PLA2R1: variants seen among roughly 807,000 people sequenced by gnomAD.
The protein encoded by PLA2R1 is phospholipase A2 receptor 1.
In PLA2R1, 158 loss-of-function variants were observed where a neutral mutation model predicts 195.9. That is an observed-to-expected ratio of 0.81 (90% CI 0.71 to 0.92). The LOEUF (loss-of-function observed/expected upper bound fraction) is 0.92, where lower values mean the gene tolerates loss of function less well. Among genes scored for constraint, PLA2R1 ranks in the 40% least tolerant of loss-of-function variants. The pLI is 0.00. For synonymous variants in PLA2R1, 586 were observed against 598.2 expected (o/e 0.98, Z 0.30); for missense variants, 1,626 against 1,764.6 (o/e 0.92, Z 1.41).
chr2:160,059,913 C>G (rs922619104), intron 1 of PLA2R1, among the ~76,000 whole-genome samples: 2 of 152,196 alleles, frequency 1.3e-5, no homozygotes, highest in African/African-American at 4.8e-5. Flanking sequence ...TTACCTCCCC[C>G]TGGGTCCCTC....
At chr2:159,930,416 A>G (rs1686562490), downstream of PLA2R1, among the ~76,000 whole-genome samples, 1 of 151,962 alleles carries the variant, frequency 6.6e-6, no homozygotes, top group Non-Finnish European at 1.5e-5. Context: ...TCAAAAAAAA[A>G]AAAAAAGACT....
intron 6 of PLA2R1, among the ~76,000 whole-genome samples, chr2:160,026,224 T>C (rs1693516423): frequency 6.6e-6 from 1 of 152,128 alleles, no homozygotes. Flanking sequence ...ACAGAGGACA[T>C]ACAATGAAAG....
intron 10 of PLA2R1, among the ~76,000 whole-genome samples, chr2:160,009,132 T>C (rs1411405579): frequency 5.9e-5 from 9 of 152,250 alleles, no homozygotes; most frequent in Admixed American, 4.6e-4. Flanking sequence ...GTAGCCATTA[T>C]GGAAAAGAGT....
At chr2:160,032,356 CACAT>C (rs1269050227) in intron 4 of PLA2R1, among the ~76,000 whole-genome samples, 6 of 152,146 alleles carry the variant, frequency 3.9e-5, no homozygotes, top group Non-Finnish European at 7.3e-5. Context: ...TGAATGTACA[CACAT>C]ACAAATACAT....
chr2:159,929,291 C>G (rs1168519418), downstream of PLA2R1, among the ~76,000 whole-genome samples: 1 of 152,036 alleles, frequency 6.6e-6, no homozygotes, highest in East Asian at 1.9e-4. Flanking sequence ...ACATGGAACT[C>G]AAACAAATTA....
At chr2:159,952,719 T>C (rs959432662) in intron 23 of PLA2R1, among the ~76,000 whole-genome samples, 2 of 152,112 alleles carry the variant, frequency 1.3e-5, no homozygotes, top group African/African-American at 4.8e-5. Flanking sequence ...GAACGAGATA[T>C]CCACACAAGG....
chr2:159,942,267 TA>T (rs1004968208), intron 28 of PLA2R1, 108 bp from the exon 29 acceptor site: 15 of 792,292 alleles, frequency 1.9e-5, no homozygotes, highest in Non-Finnish European at 2.9e-5. Context: ...CCTATTTTTA[TA>T]AAAAATGTTT....
chr2:160,062,230 T>C, intron 1 of PLA2R1, 65 bp downstream of exon 1: 1 of 1,250,880 alleles, frequency 8.0e-7, no homozygotes, highest in Non-Finnish European at 1.1e-6. Context: ...CTTCTTCCTC[T>C]CCTTCGACCA....
At chr2:159,986,777 G>T (rs1690373624) in intron 12 of PLA2R1, among the ~76,000 whole-genome samples, 1 of 151,872 alleles carries the variant, frequency 6.6e-6, no homozygotes, top group African/African-American at 2.4e-5. Flanking sequence ...AGTAGAGATG[G>T]GATTTCACCA....
Position 160,034,984 on chromosome 2 carries a change from A to T in PLA2R1, c.668-1852T>A, listed in dbSNP as rs192233114. Among the ~76,000 whole-genome samples, 293 of 152,330 alleles carry T rather than the reference A, an allele frequency of 1.9e-3. 2 individuals carry two copies. The highest frequency in any genetic ancestry group is 7.3e-3 in the South Asian group (35 of 4,818). ...GGTCAATACTTTGTTTCATGCACAAAATTATTTTAAATATTGTATAAAATT... is the reference window on the plus strand; with the variant it reads ...GGTCAATACTTTGTTTCATGCACAATATTATTTTAAATATTGTATAAAATT... On this transcript the variant is annotated intron_variant, in intron 3 of 29. Coordinates refer to ENST00000283243, the MANE Select transcript of PLA2R1 (RefSeq NM_007366.5).
intron 11 of PLA2R1, among the ~76,000 whole-genome samples, chr2:159,989,434 T>C (rs895956484): frequency 6.6e-6 from 1 of 152,150 alleles, no homozygotes; most frequent in East Asian, 1.9e-4. Flanking sequence ...TCCTGCTCCA[T>C]TCCCCCGTCC....
At chr2:160,047,644 T>G (rs759856471) in intron 1 of PLA2R1, among the ~76,000 whole-genome samples, 8 of 152,232 alleles carry the variant, frequency 5.3e-5, no homozygotes, top group Non-Finnish European at 1.0e-4. Flanking sequence ...CAATGATGAA[T>G]TAAGAGCCTT....
intron 26 of PLA2R1, 114 bp downstream of exon 26, chr2:159,947,305 T>A: frequency 1.1e-6 from 1 of 885,060 alleles, no homozygotes; most frequent in Non-Finnish European, 1.7e-6. Flanking sequence ...ATAGTTTAGT[T>A]TTTGTTGCTC....
At position 159,956,593 on chromosome 2, in the gene PLA2R1, C is replaced by A. The variant is rs1236776573; in HGVS notation, c.2939G>T (p.Ser980Ile). The change falls in exon 21 of 30, where the codon AGT becomes ATT. Residue 980 changes from serine to isoleucine, a missense_variant. Coordinates refer to ENST00000283243, the MANE Select transcript of PLA2R1 (RefSeq NM_007366.5). ...LLLNIPKDPS[S>I]WKNWTHAQHF... ...TTGAGCATGCGTCCAGTTCTTCCAA[C>A]TGCTTGGGTCTTTGGGGATATTCAG... is the stretch of plus-strand genomic sequence containing the variant. The A allele has an allele frequency of 6.2e-7, 1 of 1,612,878 alleles. No homozygotes were observed. The highest frequency in any genetic ancestry group is 1.7e-5 in the Admixed American group (1 of 60,020).
At chr2:159,986,959 AT>A (rs1038043019) in intron 12 of PLA2R1, among the ~76,000 whole-genome samples, 196 bp downstream of exon 12, 1 of 151,912 alleles carries the variant, frequency 6.6e-6, no homozygotes, top group Non-Finnish European at 1.5e-5. Flanking sequence ...GGATGTGTCA[AT>A]TTTTTTTACT....
chr2:159,928,640 A>G (rs140842183), downstream of PLA2R1, among the ~76,000 whole-genome samples: 891 of 152,358 alleles, frequency 5.8e-3, 9 homozygotes, highest in African/African-American at 0.02. Flanking sequence ...AATTCTTCAC[A>G]GAACTAGAAA....
chr2:159,949,461 G>A (rs1687587174), intron 25 of PLA2R1, 147 bp downstream of exon 25: 2 of 554,178 alleles, frequency 3.6e-6, no homozygotes, highest in Admixed American at 3.0e-5. Context: ...TTGTAGTTCT[G>A]TTATTCTTTA....
Position 160,028,294 on chromosome 2 carries a change from C to G in PLA2R1, c.1023G>C (p.Trp341Cys), listed in dbSNP as rs141180103. The G allele has an allele frequency of 6.9e-5, 111 of 1,605,360 alleles. No individual in the cohort carries two copies. In the Middle Eastern group the frequency reaches 1.2e-3, roughly 17 times the overall value. ...GTFSSFMPSAWRSRDCESTLP... is the reference protein window; with the variant it reads ...GTFSSFMPSACRSRDCESTLP... The stretch of plus-strand genomic sequence containing the variant: ...AGGTGGACTCACAATCCCGACTCCT[C>G]CAGGCACTTGGCATAAATGAACTAA... The change falls in exon 6 of 30, where the codon TGG becomes TGC. Residue 341 changes from tryptophan to cysteine, a missense_variant. Trp to Cys is a radical substitution (Grantham distance 215). Transcript: ENST00000283243.
chr2:160,038,784 C>CAT (rs1694330972), intron 3 of PLA2R1, among the ~76,000 whole-genome samples: 3 of 152,096 alleles, frequency 2.0e-5, no homozygotes, highest in African/African-American at 7.2e-5. Flanking sequence ...TATAGCATTG[C>CAT]TGAGCCATGT....
Sources: allele counts gnomAD v4.1 joint callset (sites outside exome capture counted in the v4.1 genomes callset), GRCh38; gene constraint gnomAD v4.1.1; transcripts MANE v1.5; gene names NCBI Gene and HGNC (gene_info 2026-07-23, HGNC 2026-07-21).